AHDC1: variants seen among roughly 807,000 people sequenced by gnomAD.
The protein encoded by AHDC1 is transcription factor Gibbin.
AHDC1 carries 7 observed loss-of-function variants against 87.9 expected under a neutral mutation model. That is an observed-to-expected ratio of 0.08 (90% CI 0.05 to 0.15). The LOEUF is 0.15. Among genes scored for constraint, AHDC1 ranks in the 10% least tolerant of loss-of-function variants. AHDC1 has a pLI of 1.00. For synonymous variants in AHDC1, 1,051 were observed against 1,006.8 expected (o/e 1.04, Z -0.83); for missense variants, 1,841 against 2,253.2 (o/e 0.82, Z 3.70).
Position 27,551,111 on chromosome 1 carries a change from G to A in AHDC1, c.1005C>T (p.Asp335=). The change falls in exon 8 of 9, where the codon GAC becomes GAT. Residue 335 remains aspartate (D), a synonymous_variant. Coordinates refer to ENST00000673934, the MANE Select transcript of AHDC1 (RefSeq NM_001371928.1). ...ESQLLDPQAL[D]PLPKLLDVPG... ...GGACGTCAAGCAGCTTGGGCAGGGG[G>A]TCGAGTGCCTGGGGGTCAAGCAGCT... 6.3e-7 allele frequency: 1 copy of A among 1,583,502 alleles called. No homozygotes were observed. The highest frequency in any genetic ancestry group is 8.6e-7 in the Non-Finnish European group (1 of 1,164,550).
chr1:27,563,305 CAT>C lies in AHDC1; in HGVS notation c.-628-4424_-628-4423del, dbSNP rs1396712618. Among the ~76,000 whole-genome samples the C allele has an allele frequency of 6.6e-6, 1 of 151,986 alleles. No individual in the cohort carries two copies. Among genetic ancestry groups the C allele is most frequent in the Admixed American group, 6.5e-5 (1 of 15,272 alleles). On this transcript the variant is annotated intron_variant, in intron 3 of 8. Transcript: ENST00000673934. This position sits in a 1 kb window ranked among gnomAD's most constrained non-coding sequence, Gnocchi z 6.1. Reference sequence around the variant, plus strand: ...CACATAGTTGACCAAGACACACACACATGCACACACACACAGAACCTGTCACA... The same window carrying C: ...CACATAGTTGACCAAGACACACACACGCACACACACACAGAACCTGTCACA...
In AHDC1 at chr1:27,551,651, C is replaced by T. The variant is rs112179924; in HGVS notation, c.465G>A (p.Pro155=). The change falls in exon 8 of 9, where the codon CCG becomes CCA. Residue 155 remains proline, a synonymous_variant. Transcript: ENST00000673934. ...LDCGGLRLSR[P]PAPPPGDLQY... Reference sequence around the variant, plus strand: ...GTAGGTCGCCGGGTGGCGGTGCAGGCGGGCGGCTCAGTCGGAGCCCACCAC... The same window carrying T: ...GTAGGTCGCCGGGTGGCGGTGCAGGTGGGCGGCTCAGTCGGAGCCCACCAC... 126,123 of 1,613,040 alleles carry T rather than the reference C, an allele frequency of 0.078. 5,335 individuals carry two copies. Among genetic ancestry groups the T allele is most frequent in the Middle Eastern group, 0.099 (600 of 6,062 alleles).
In AHDC1 at chr1:27,550,978, G is replaced by A; in HGVS notation, c.1138C>T (p.Pro380Ser). 6.3e-7 allele frequency: 1 copy of A among 1,591,188 alleles called. No homozygotes were observed. Among genetic ancestry groups the A allele is most frequent in the Non-Finnish European group, 8.5e-7 (1 of 1,175,224 alleles). Residue 380 changes from proline (P) to serine (S), a missense_variant, in exon 8 of 9, where the codon CCC becomes TCC. Transcript: ENST00000673934. Reference sequence around the variant, plus strand: ...TCAGTGCGCCGCAAGGCGTACTTGGGGTGACCCTCAGGCCCGGGGGGGCCG... The same window carrying A: ...TCAGTGCGCCGCAAGGCGTACTTGGAGTGACCCTCAGGCCCGGGGGGGCCG... Reference protein sequence around the residue: ...PHGPPGPEGHPKYALRRTDRP... With the variant: ...PHGPPGPEGHSKYALRRTDRP...
intron 8 of AHDC1, among the ~76,000 whole-genome samples, chr1:27,541,001 TAAAAAAAAAAA>T (rs55912405): frequency 1.4e-5 from 1 of 72,368 alleles, no homozygotes; most frequent in East Asian, 4.9e-4. Context: ...CTAAAAATGC[TAAAAAAAAAAA>T]AAAAAAAAAA....
At chr1:27,570,089 C>T (rs899329084) in intron 3 of AHDC1, among the ~76,000 whole-genome samples, 1 of 151,874 alleles carries the variant, frequency 6.6e-6, no homozygotes, top group Non-Finnish European at 1.5e-5. Context: ...TCCTGGGCCC[C>T]CAGCGGGTCT....
intron 8 of AHDC1, among the ~76,000 whole-genome samples, chr1:27,541,328 A>AT (rs1375890633): frequency 3.3e-5 from 5 of 151,052 alleles, no homozygotes; most frequent in African/African-American, 9.8e-5. Flanking sequence ...TTTATTTTTT[A>AT]TTTTTTTTGA....
At chr1:27,537,979 G>A (rs2018721643) in intron 8 of AHDC1, among the ~76,000 whole-genome samples, 1 of 152,248 alleles carries the variant, frequency 6.6e-6, no homozygotes, top group Non-Finnish European at 1.5e-5. Flanking sequence ...TTTCATTTAA[G>A]TGAACAGCAA....
intron 3 of AHDC1, among the ~76,000 whole-genome samples, chr1:27,602,298 G>GCCCGCCTCAGGGACAGCCCCAGCT (rs1286722514): frequency 2.0e-5 from 3 of 151,856 alleles, no homozygotes; most frequent in Non-Finnish European, 4.4e-5. Context: ...TGTGCCCGCT[G>GCCCGCCTCAGGGACAGCCCCAGCT]CCCGCCTCAG....
At chr1:27,574,682 G>A (rs138751264) in intron 3 of AHDC1, among the ~76,000 whole-genome samples, 90 of 152,326 alleles carry the variant, frequency 5.9e-4, no homozygotes, top group Middle Eastern at 6.8e-3. Flanking sequence ...AGATGGGGAA[G>A]ATGCCTGCTG....
chr1:27,585,329 G>GGGC (rs1432661493), intron 3 of AHDC1, among the ~76,000 whole-genome samples: 2 of 151,232 alleles, frequency 1.3e-5, no homozygotes, highest in Non-Finnish European at 2.9e-5. Flanking sequence ...CAAGTTCAAA[G>GGGC]GGCGGCTCCA....
At chr1:27,556,662 G>A (rs2019829132) in intron 5 of AHDC1, among the ~76,000 whole-genome samples, 3 of 152,240 alleles carry the variant, frequency 2.0e-5, no homozygotes, top group Admixed American at 1.3e-4. Flanking sequence ...GCACAGAGAG[G>A]TTAAGTTATG....
At chr1:27,538,769 C>T (rs1378888154) in intron 8 of AHDC1, among the ~76,000 whole-genome samples, 2 of 152,166 alleles carry the variant, frequency 1.3e-5, no homozygotes, top group African/African-American at 4.8e-5. Context: ...CCTGCCTTGG[C>T]CTCCCAAAGT....
Position 27,551,742 on chromosome 1 carries a change from A to G in AHDC1, c.374T>C (p.Ile125Thr), listed in dbSNP as rs773571733. Residue 125 changes from isoleucine (I) to threonine (T), a missense_variant, in exon 8 of 9, where the codon ATT becomes ACT. Physicochemically the swap from Ile to Thr is moderately conservative, Grantham distance 89. Coordinates refer to ENST00000673934, the MANE Select transcript of AHDC1 (RefSeq NM_001371928.1). Reference sequence around the variant, plus strand: ...GCGTGTCAGGTCCTTCATGATGTCAATCAGCTGCACCACTGGTCGCAGGTT... The same window carrying G: ...GCGTGTCAGGTCCTTCATGATGTCAGTCAGCTGCACCACTGGTCGCAGGTT... ...RVNLRPVVQL[I>T]DIMKDLTRLS... 4 of 1,613,630 alleles carry G rather than the reference A, an allele frequency of 2.5e-6. No homozygotes were observed. Among genetic ancestry groups the G allele is most frequent in the South Asian group, 1.1e-5 (1 of 91,070 alleles).
At chr1:27,597,057 A>G (rs1277458951) in intron 3 of AHDC1, among the ~76,000 whole-genome samples, 2 of 152,206 alleles carry the variant, frequency 1.3e-5, no homozygotes, top group African/African-American at 2.4e-5. Flanking sequence ...CTCTGTGTCC[A>G]GGTCAGGCCC....
chr1:27,600,498 G>C (rs1401019968), intron 3 of AHDC1, among the ~76,000 whole-genome samples: 1 of 152,164 alleles, frequency 6.6e-6, no homozygotes, highest in East Asian at 1.9e-4. Context: ...AATTGACCTG[G>C]GGGTGGGACA....
At position 27,550,770 on chromosome 1, in the gene AHDC1, G is replaced by T; in HGVS notation, c.1346C>A (p.Pro449Gln). 6.4e-7 allele frequency: 1 copy of T among 1,573,810 alleles called. No individual in the cohort carries two copies. The change falls in exon 8 of 9, where the codon CCA (proline) becomes CAA (glutamine). Residue 449 changes from proline to glutamine, a missense_variant. Coordinates refer to ENST00000673934, the MANE Select transcript of AHDC1 (RefSeq NM_001371928.1). ...CTGGGAAGATTCCGGCTTCAACTCT[G>T]GGACTGAGACCGGGCCTGGGCCTGG... ...ALPGPGPVSV[P>Q]ELKPESSQTP...
intron 3 of AHDC1, among the ~76,000 whole-genome samples, chr1:27,575,843 T>C (rs1382988448): frequency 6.8e-6 from 1 of 146,494 alleles, no homozygotes; most frequent in African/African-American, 2.5e-5. Flanking sequence ...TTTCGGCTTT[T>C]TCCTGGCCCC....
In AHDC1 at chr1:27,561,084, C is replaced by G. The variant is rs948044699; in HGVS notation, c.-628-2201G>C. Among the ~76,000 whole-genome samples, 11 of 152,196 alleles carry G rather than the reference C, an allele frequency of 7.2e-5. No individual in the cohort carries two copies. The East Asian group carries it at 9.6e-4, about 13-fold the overall frequency. ...AGCCTCCCTCCTCTGATCTGTCCCC[C>G]CTTTCCCTGTGGTTGGGTGGGCACA... On this transcript the variant is annotated intron_variant, in intron 3 of 8. Coordinates refer to ENST00000673934, the MANE Select transcript of AHDC1 (RefSeq NM_001371928.1). This position sits in a 1 kb window ranked among gnomAD's most constrained non-coding sequence, Gnocchi z 4.2.
chr1:27,553,228 G>A (rs915702419), intron 5 of AHDC1, 43 bp from the exon 6 acceptor site: 3 of 152,586 alleles, frequency 2.0e-5, no homozygotes, highest in African/African-American at 4.8e-5. Context: ...AGCACCTACT[G>A]CGCGCCAGGT....
Sources: gnomAD v4.1 joint callset for allele counts (sites outside exome capture counted in the v4.1 genomes callset) on GRCh38, gnomAD v4.1.1 for gene constraint, Gnocchi (gnomAD v3.1) non-coding constraint, MANE v1.5 for transcripts, NCBI Gene and HGNC (gene_info 2026-07-23, HGNC 2026-07-21) for gene names.